The following FAT1 variants were observed in gnomAD, a reference collection of about 807,000 sequenced individuals.
FAT1 encodes the protein protocadherin Fat 1.
In FAT1, 171 loss-of-function variants were observed where a neutral mutation model predicts 329.8. The ratio of observed to expected loss-of-function variants is 0.52; its 90% CI spans 0.46 to 0.59. FAT1 has a LOEUF of 0.59. Among genes scored for constraint, FAT1 ranks in the 20% least tolerant of loss-of-function variants. FAT1 has a pLI of 0.00. For synonymous variants in FAT1, 2,233 were observed against 2,228.6 expected (o/e 1.00, Z -0.06); for missense variants, 5,672 against 5,774.4 (o/e 0.98, Z 0.57).
chr4:186,633,657 C>A, intron 7 of FAT1, 27 bp downstream of exon 7: 1 of 1,613,452 alleles, frequency 6.2e-7, no homozygotes, highest in Non-Finnish European at 8.5e-7. Flanking sequence ...CCTCCTCTGA[C>A]AAGTGTGTCA....
At chr4:186,700,586 C>T (rs1744259883) in intron 2 of FAT1, among the ~76,000 whole-genome samples, 1 of 152,186 alleles carries the variant, frequency 6.6e-6, no homozygotes. Flanking sequence ...TGGCCTAACC[C>T]AGCTTAGCAC....
In FAT1 at chr4:186,708,661, T is replaced by C; in HGVS notation, c.1167A>G (p.Val389=). 3 of 1,613,950 alleles carry C rather than the reference T, an allele frequency of 1.9e-6. No homozygotes were observed. The highest frequency in any genetic ancestry group is 2.5e-6 in the Non-Finnish European group (3 of 1,179,894). ...FAPPNTPVVM[V]KAIPAYSHLR... ...AATGGGAATAAGCAGGAATGGCCTT[T>C]ACCATGACCACAGGTGTGTTGGGAG... The change falls in exon 2 of 27, where the codon GTA becomes GTG. Residue 389 remains valine, a synonymous_variant. Transcript: ENST00000441802.
rs757198124 is a variant in FAT1, at chr4:186,707,051, G to T, written c.2777C>A (p.Thr926Lys). Residue 926 changes from threonine (T) to lysine (K), a missense_variant, in exon 2 of 27, where the codon ACA becomes AAA. This residue lies in a region of FAT1 where 3,966 missense variants were observed against 3,915.2 expected (regional missense o/e 1.01). Coordinates refer to ENST00000441802, the MANE Select transcript of FAT1 (RefSeq NM_005245.4). Reference sequence around the variant, plus strand: ...CACACGATAATTAGGTGGAATAAATGTAGGTGGGTTGTCATTAACATCTTC... The same window carrying T: ...CACACGATAATTAGGTGGAATAAATTTAGGTGGGTTGTCATTAACATCTTC... ...SLEDVNDNPP[T>K]FIPPNYRVKV... is the part of the protein sequence containing the mutation. 1 of 1,613,982 alleles carries T rather than the reference G, an allele frequency of 6.2e-7. No homozygotes were observed.
chr4:186,688,026 T>C (rs1278036799), intron 2 of FAT1, among the ~76,000 whole-genome samples: 1 of 151,094 alleles, frequency 6.6e-6, no homozygotes, highest in Non-Finnish European at 1.5e-5. Flanking sequence ...ACAATGACTA[T>C]ATACTGCCTT....
intron 2 of FAT1, among the ~76,000 whole-genome samples, chr4:186,666,967 A>G (rs2126625436): frequency 1.3e-5 from 2 of 152,362 alleles, no homozygotes; most frequent in South Asian, 4.1e-4. Flanking sequence ...AAAAGAGTAA[A>G]CAAAACTTAA....
rs1300889613 is a variant in FAT1 at position 186,663,282 on chromosome 4, G to A, written c.3580+17C>T. On this transcript the variant is annotated intron_variant, in intron 3 of 26. Coordinates refer to ENST00000441802, the MANE Select transcript of FAT1 (RefSeq NM_005245.4). ...AGCATAAGCATAAACATTTCCTATA[G>A]CAGTATTAACACATACCTGTTTTAG... 3.8e-6 allele frequency: 6 copies of A among 1,567,962 alleles called. No homozygotes were observed. Among genetic ancestry groups the A allele is most frequent in the African/African-American group, 1.4e-5 (1 of 74,018 alleles).
rs562098860 is a variant in FAT1 at position 186,717,660 on chromosome 4, A to G, written c.-19+6004T>C. Reference sequence around the variant, plus strand: ...ATGTCCTATTTTTCAAACAGCCTCTATATAAAACCTAGTTATCTACATGAA... The same window carrying G: ...ATGTCCTATTTTTCAAACAGCCTCTGTATAAAACCTAGTTATCTACATGAA... On this transcript the variant is annotated intron_variant, in intron 1 of 26. Coordinates refer to ENST00000441802, the MANE Select transcript of FAT1 (RefSeq NM_005245.4). Among the ~76,000 whole-genome samples, 20 of 152,304 alleles carry G rather than the reference A, an allele frequency of 1.3e-4. No homozygotes were observed. In the South Asian group the frequency reaches 1.7e-3, roughly 13 times the overall value.
At chr4:186,626,004 T>C (rs954018731) in intron 9 of FAT1, among the ~76,000 whole-genome samples, 9 of 146,338 alleles carry the variant, frequency 6.2e-5, no homozygotes, top group South Asian at 4.5e-4. Context: ...GTGAGCTTCA[T>C]CAGCCTACAG....
intron 7 of FAT1, among the ~76,000 whole-genome samples, chr4:186,631,530 T>A (rs78368352): frequency 6.6e-6 from 1 of 151,080 alleles, no homozygotes; most frequent in Non-Finnish European, 1.5e-5. Context: ...CTTCAATCAA[T>A]CCCCGCGGTA....
chr4:186,722,181 G>A (rs1283495549), intron 1 of FAT1, among the ~76,000 whole-genome samples: 2 of 152,154 alleles, frequency 1.3e-5, no homozygotes, highest in South Asian at 4.1e-4. Flanking sequence ...CCGGACCATG[G>A]ATTTAAATGA....
rs776445911 is a variant in FAT1, at chr4:186,707,581, A to G, written c.2247T>C (p.Asn749=). ...MNSTDLDTGF[N]GKLVYAVSGG... is the part of the protein sequence containing the mutation. Reference sequence around the variant, plus strand: ...CAGAAACAGCATAGACCAGTTTTCCATTGAAGCCAGTGTCAAGGTCAGTGG... The same window carrying G: ...CAGAAACAGCATAGACCAGTTTTCCGTTGAAGCCAGTGTCAAGGTCAGTGG... The change falls in exon 2 of 27, where the codon AAT becomes AAC. Residue 749 remains asparagine, a synonymous_variant. Coordinates refer to ENST00000441802, the MANE Select transcript of FAT1 (RefSeq NM_005245.4). 4 of 1,613,926 alleles carry G rather than the reference A, an allele frequency of 2.5e-6. No homozygotes were observed. In the Admixed American group the frequency reaches 5.0e-5, roughly 20 times the overall value.
Position 186,621,454 on chromosome 4 carries a change from TC to T in FAT1, c.5131del (p.Asp1711IlefsTer25). ...IKDGNTGDAF[D>X]INPHSGTIIT... The stretch of plus-strand genomic sequence containing the variant: ...GATAGTTCCAGAATGTGGATTAATA[TC>T]AAAAGCATCACCTGTATTTCCATCT... On this transcript the variant is annotated frameshift_variant, in exon 10 of 27. Transcript: ENST00000441802. LOFTEE classifies it high-confidence loss of function. 1 of 1,614,050 alleles carries T rather than the reference TC, an allele frequency of 6.2e-7. No homozygotes were observed. The highest frequency in any genetic ancestry group is 8.5e-7 in the Non-Finnish European group (1 of 1,179,904).
At chr4:186,594,085 A>G (rs1245783054) in intron 26 of FAT1, among the ~76,000 whole-genome samples, 1 of 150,980 alleles carries the variant, frequency 6.6e-6, no homozygotes, top group Non-Finnish European at 1.5e-5. Flanking sequence ...TTTTTTTTTG[A>G]GACAGAGTCT....
intron 26 of FAT1, among the ~76,000 whole-genome samples, chr4:186,593,026 T>G (rs1738318359): frequency 6.6e-6 from 1 of 152,210 alleles, no homozygotes; most frequent in Non-Finnish European, 1.5e-5. Flanking sequence ...AGCTTTAAAT[T>G]TTTTCACAAT....
At chr4:186,652,252 G>A (rs981065328) in intron 3 of FAT1, among the ~76,000 whole-genome samples, 3 of 152,186 alleles carry the variant, frequency 2.0e-5, no homozygotes, top group Admixed American at 6.5e-5. Context: ...AGATATAGCA[G>A]GGTCAGAAGA....
At chr4:186,701,011 G>A (rs1404723882) in intron 2 of FAT1, among the ~76,000 whole-genome samples, 4 of 152,136 alleles carry the variant, frequency 2.6e-5, no homozygotes, top group East Asian at 1.9e-4. Flanking sequence ...GCGTCACTGC[G>A]TGCTGCTCCA....
At chr4:186,606,047 C>A in intron 17 of FAT1, 23 bp downstream of exon 17, 1 of 1,608,644 alleles carries the variant, frequency 6.2e-7, no homozygotes, top group East Asian at 2.2e-5. Flanking sequence ...AACCCCAGGA[C>A]CACCTTGGCA....
intron 1 of FAT1, among the ~76,000 whole-genome samples, chr4:186,718,910 T>C (rs1745339544): frequency 1.3e-5 from 2 of 152,084 alleles, no homozygotes; most frequent in South Asian, 2.1e-4. Context: ...CAATGACCTT[T>C]TCTCAGTGCT....
intron 2 of FAT1, among the ~76,000 whole-genome samples, chr4:186,668,067 C>T (rs575003672): frequency 2.6e-5 from 4 of 152,294 alleles, no homozygotes; most frequent in African/African-American, 7.2e-5. Context: ...GGGAGACGAT[C>T]TGAGGATTCC....
Sources: allele counts gnomAD v4.1 joint callset (sites outside exome capture counted in the v4.1 genomes callset), GRCh38; gene constraint gnomAD v4.1.1; regional missense constraint gnomAD v4.1.1; transcripts MANE v1.5; gene names NCBI Gene and HGNC (gene_info 2026-07-23, HGNC 2026-07-21).